Variants in DIP2B observed in about 807,000 individuals in gnomAD.
DIP2B encodes disco-interacting protein 2 homolog B.
In DIP2B, 76 loss-of-function variants were observed where a neutral mutation model predicts 198.0. The ratio of observed to expected loss-of-function variants is 0.38; its 90% CI spans 0.32 to 0.46. DIP2B has a LOEUF of 0.46. Ranked by LOEUF, DIP2B falls within the 20% of genes least tolerant of loss-of-function variation. DIP2B has a pLI of 0.99. For synonymous variants in DIP2B, 701 were observed against 739.1 expected (o/e 0.95, Z 0.84); for missense variants, 1,559 against 1,978.4 (o/e 0.79, Z 4.02).
intron 1 of DIP2B, among the ~76,000 whole-genome samples, chr12:50,516,818 T>C (rs1009683001): frequency 1.3e-5 from 2 of 151,862 alleles, no homozygotes; most frequent in African/African-American, 4.8e-5. Context: ...GTACTAAAAA[T>C]GCAAAAATTA....
chr12:50,514,322 C>T (rs565314978), intron 1 of DIP2B, among the ~76,000 whole-genome samples: 2 of 152,220 alleles, frequency 1.3e-5, no homozygotes, highest in East Asian at 3.9e-4. Context: ...ACCTCTGCTT[C>T]CCAAAGTGCT....
chr12:50,685,737 T>C (rs1939119409), intron 10 of DIP2B, 96 bp from the exon 11 acceptor site: 1 of 1,378,694 alleles, frequency 7.3e-7, no homozygotes, highest in Non-Finnish European at 9.6e-7. Context: ...ATGAATGTTA[T>C]CAAACAAAAT....
At chr12:50,730,268 C>T (rs1031569878) in intron 30 of DIP2B, among the ~76,000 whole-genome samples, 1 of 152,186 alleles carries the variant, frequency 6.6e-6, no homozygotes, top group African/African-American at 2.4e-5. Context: ...CTTAGCCCTT[C>T]TGGCCTTACT....
intron 5 of DIP2B, among the ~76,000 whole-genome samples, chr12:50,671,855 C>A (rs1465372580): frequency 6.6e-6 from 1 of 152,170 alleles, no homozygotes; most frequent in Non-Finnish European, 1.5e-5. Context: ...GATTTGTTGT[C>A]CTTGCTGCTG....
At chr12:50,620,811 T>G (rs1937797239) in intron 1 of DIP2B, among the ~76,000 whole-genome samples, 1 of 152,212 alleles carries the variant, frequency 6.6e-6, no homozygotes, top group Non-Finnish European at 1.5e-5. Context: ...GTGCTCTCCC[T>G]TGTGGCTGGA....
rs751331547 is a variant in DIP2B, at chr12:50,691,165, C to G, written c.1654+14C>G. Reference sequence around the variant, plus strand: ...ATTATTCTGAAGGTCAGACCTCATCCCATGACTGCCCTCATTGTTACCTTC... The same window carrying G: ...ATTATTCTGAAGGTCAGACCTCATCGCATGACTGCCCTCATTGTTACCTTC... On this transcript the variant is annotated intron_variant, in intron 13 of 37. Transcript: ENST00000301180. 1.2e-6 allele frequency: 2 copies of G among 1,607,450 alleles called. No individual in the cohort carries two copies. Among genetic ancestry groups the G allele is most frequent in the African/African-American group, 2.7e-5 (2 of 74,756 alleles).
At chr12:50,543,924 T>TA (rs781505789) in intron 1 of DIP2B, among the ~76,000 whole-genome samples, 35,182 of 101,108 alleles carry the variant, frequency 0.35, 6,526 homozygotes, top group Middle Eastern at 0.39. Flanking sequence ...ACTCAGCCTT[T>TA]AAAAAAAAAA....
chr12:50,717,148 T>C (rs1939739532), intron 23 of DIP2B, among the ~76,000 whole-genome samples: 1 of 151,580 alleles, frequency 6.6e-6, no homozygotes, highest in Non-Finnish European at 1.5e-5. Context: ...TTTTGCCATG[T>C]TGGCCAGGCT....
At chr12:50,517,065 C>T (rs1017593117) in intron 1 of DIP2B, among the ~76,000 whole-genome samples, 12 of 151,794 alleles carry the variant, frequency 7.9e-5, no homozygotes, top group African/African-American at 1.2e-4. Flanking sequence ...TACAGGTGCC[C>T]GCCACCACGC....
chr12:50,613,498 G>C (rs143484898), intron 1 of DIP2B, among the ~76,000 whole-genome samples: 3 of 152,130 alleles, frequency 2.0e-5, no homozygotes, highest in East Asian at 3.9e-4. Context: ...ACCCTTTTTC[G>C]TAGAGAAAAG....
intron 4 of DIP2B, among the ~76,000 whole-genome samples, chr12:50,661,381 G>C (rs766045963): frequency 6.6e-6 from 1 of 152,092 alleles, no homozygotes; most frequent in Non-Finnish European, 1.5e-5. Flanking sequence ...TGTTCATACT[G>C]ATCCTATTCC....
chr12:50,715,359 A>T (rs963114890), intron 23 of DIP2B, among the ~76,000 whole-genome samples: 3 of 151,996 alleles, frequency 2.0e-5, no homozygotes, highest in Non-Finnish European at 2.9e-5. Flanking sequence ...CTCCAGGCTT[A>T]GGTTGGGTTC....
intron 1 of DIP2B, among the ~76,000 whole-genome samples, chr12:50,580,804 T>G (rs1958718658): frequency 1.3e-5 from 2 of 148,848 alleles, no homozygotes; most frequent in African/African-American, 4.9e-5. Context: ...ACTAATTGTT[T>G]TGTTACAGCA....
chr12:50,510,605 C>G (rs1276716821), intron 1 of DIP2B, among the ~76,000 whole-genome samples: 1 of 151,776 alleles, frequency 6.6e-6, no homozygotes, highest in Non-Finnish European at 1.5e-5. Flanking sequence ...TGCTTATATG[C>G]ACAGTTTCTC....
intron 23 of DIP2B, among the ~76,000 whole-genome samples, chr12:50,716,883 G>A (rs934745970): frequency 8.1e-5 from 12 of 148,216 alleles, no homozygotes; most frequent in Admixed American, 3.4e-4. Context: ...TTGAAGTGTC[G>A]AACCTATGGA....
Position 50,708,494 on chromosome 12 carries a change from G to A in DIP2B, c.2581G>A (p.Val861Met). ...TGTATTTTATGATGAGCGCATTGTG[G>A]TGGTTGCGGAACAAAGACCTGATGC... ...VSVFYDERIVVVAEQRPDASE... is the reference protein window; with the variant it reads ...VSVFYDERIVMVAEQRPDASE... Residue 861 changes from valine to methionine, a missense_variant, in exon 22 of 38, where the codon GTG (valine) becomes ATG (methionine). Val to Met is a conservative substitution (Grantham distance 21). Transcript: ENST00000301180. 2 of 1,608,664 alleles carry A rather than the reference G, an allele frequency of 1.2e-6. No homozygotes were observed. The highest frequency in any genetic ancestry group is 1.7e-5 in the Admixed American group (1 of 59,252).
intron 23 of DIP2B, among the ~76,000 whole-genome samples, chr12:50,716,890 T>A (rs981963274): frequency 6.8e-6 from 1 of 147,274 alleles, no homozygotes; most frequent in African/African-American, 2.5e-5. Flanking sequence ...GTCGAACCTA[T>A]GGAAAAGTTA....
At chr12:50,726,205 C>G (rs1345206315) in intron 28 of DIP2B, among the ~76,000 whole-genome samples, 1 of 152,146 alleles carries the variant, frequency 6.6e-6, no homozygotes, top group Non-Finnish European at 1.5e-5. Flanking sequence ...CTTCTTGATC[C>G]AGAAAGCCAA....
intron 1 of DIP2B, among the ~76,000 whole-genome samples, chr12:50,537,867 T>G (rs1311871907): frequency 6.6e-6 from 1 of 151,798 alleles, no homozygotes; most frequent in Non-Finnish European, 1.5e-5. Flanking sequence ...GATAATTCAG[T>G]GAGAGAATAC....
Sources: gnomAD v4.1 joint callset for allele counts (sites outside exome capture counted in the v4.1 genomes callset) on GRCh38, gnomAD v4.1.1 for gene constraint, MANE v1.5 for transcripts, NCBI Gene and HGNC (gene_info 2026-07-23, HGNC 2026-07-21) for gene names.